KIF3C: variants seen among roughly 807,000 people sequenced by gnomAD.
KIF3C encodes the protein kinesin-like protein KIF3C.
A neutral mutation model predicts 67.7 loss-of-function variants in KIF3C; 12 were observed. The ratio of observed to expected loss-of-function variants is 0.18; its 90% CI spans 0.11 to 0.29. The LOEUF is 0.29. KIF3C is among the 10% of genes least tolerant of loss of function. KIF3C has a pLI of 1.00. For missense variants in KIF3C, 789 were observed against 1,059.6 expected, an observed-to-expected ratio of 0.74 and a Z score of 3.55; for synonymous variants, 393 against 426.2, an observed-to-expected ratio of 0.92 and a Z score of 0.96.
At chr2:25,977,978 C>A (rs944011300) in intron 1 of KIF3C, among the ~76,000 whole-genome samples, 5 of 152,166 alleles carry the variant, frequency 3.3e-5, no homozygotes, top group Admixed American at 1.3e-4. Context: ...CACTCCTCCC[C>A]CTTTGCTTCC....
chr2:25,975,169 T>C (rs1664380817), intron 1 of KIF3C, among the ~76,000 whole-genome samples: 2 of 152,126 alleles, frequency 1.3e-5, no homozygotes, highest in Admixed American at 6.5e-5. Context: ...TTTTCTTTTC[T>C]TTCCTTTTTA....
Position 25,980,894 on chromosome 2 carries a change from G to A in KIF3C, c.1024C>T (p.Leu342=), listed in dbSNP as rs889654231. The A allele has an allele frequency of 1.1e-5, 17 of 1,614,140 alleles. No homozygotes were observed. The highest frequency in any genetic ancestry group is 1.7e-5 in the Admixed American group (1 of 60,010). The part of the protein sequence containing the change: ...GNAKTIMVAT[L]GPASHSYDES... ...TCGTAGCTGTGAGAAGCTGGCCCCA[G>A]TGTGGCTACCATGATGGTCTTGGCA... Residue 342 remains leucine, a synonymous_variant, in exon 1 of 8, where the codon CTG becomes TTG. Coordinates refer to ENST00000264712, the MANE Select transcript of KIF3C (RefSeq NM_002254.8). This position sits in a 1 kb window ranked among gnomAD's most constrained non-coding sequence, Gnocchi z 7.6.
At chr2:25,966,621 A>G (rs924723781) in intron 1 of KIF3C, among the ~76,000 whole-genome samples, 1 of 152,196 alleles carries the variant, frequency 6.6e-6, no homozygotes. Context: ...GCGGGGAGAA[A>G]GGAGGCCCCA....
intron 5 of KIF3C, chr2:25,933,963 C>G (rs978556693): frequency 3.3e-6 from 1 of 305,628 alleles, no homozygotes; most frequent in Non-Finnish European, 6.8e-6. Flanking sequence ...GTGGAAATTA[C>G]CGAAATGTCC....
chr2:25,936,381 A>C (rs1663125625), intron 5 of KIF3C, among the ~76,000 whole-genome samples: 1 of 152,116 alleles, frequency 6.6e-6, no homozygotes, highest in Admixed American at 6.6e-5. Context: ...GCTTAGGAAA[A>C]AGTCTAGATA....
Position 25,980,233 on chromosome 2 carries a change from C to T in KIF3C, c.1545+140G>A. ...GCAATTTGCCTGGCTGCTCTGGGGG[C>T]ACATTTGGCAGGAGGGCAGTGTGCG... On this transcript the variant is annotated intron_variant, in intron 1 of 7. Transcript: ENST00000264712. The surrounding 1 kb of genome is among the most constrained non-coding windows in gnomAD (Gnocchi z 7.6). 2.8e-6 allele frequency: 2 copies of T among 703,754 alleles called. No individual in the cohort carries two copies. Among genetic ancestry groups the T allele is most frequent in the South Asian group, 3.8e-5 (2 of 52,308 alleles). The allele number at this position is 703,754 out of a possible 1,614,324, so 43.6% of individuals were successfully genotyped here.
intron 5 of KIF3C, among the ~76,000 whole-genome samples, chr2:25,948,608 AAGAGAAAGAGAAAGAGAGAAAGAG>A (rs1559551366): frequency 1.3e-5 from 2 of 150,176 alleles, no homozygotes; most frequent in African/African-American, 4.9e-5. Flanking sequence ...GAAAGAAAGA[AAGAGAAAGAGAAAGAGAGAAAGAG>A]AGAGAGAAAG....
chr2:25,965,465 A>G (rs1469262330), intron 1 of KIF3C, among the ~76,000 whole-genome samples: 1 of 151,758 alleles, frequency 6.6e-6, no homozygotes, highest in African/African-American at 2.4e-5. Context: ...TTTCTCTCAG[A>G]GATCTTGAGC....
intron 1 of KIF3C, among the ~76,000 whole-genome samples, chr2:25,979,482 C>A (rs541953528): frequency 6.6e-6 from 1 of 152,108 alleles, no homozygotes. Flanking sequence ...CCAGGCCAAC[C>A]CTCTATTTTA....
In KIF3C at chr2:25,955,831, C is replaced by T. The variant is rs1663793686; in HGVS notation, c.1648-168G>A. ...ATCCTGCAGAGCCCCTGGGAACCCT[C>T]CTCTCAGTTCCCAGGGCCATGCCTT... On this transcript the variant is annotated intron_variant, in intron 2 of 7. Transcript: ENST00000264712. The surrounding 1 kb of genome is among the most constrained non-coding windows in gnomAD (Gnocchi z 5.0). 6.6e-6 allele frequency among the ~76,000 whole-genome samples: 1 copy of T among 152,092 alleles called. No individual in the cohort carries two copies. The highest frequency in any genetic ancestry group is 2.1e-4 in the South Asian group (1 of 4,826).
intron 1 of KIF3C, among the ~76,000 whole-genome samples, chr2:25,974,874 A>C (rs1405609688): frequency 6.6e-6 from 1 of 151,834 alleles, no homozygotes; most frequent in Non-Finnish European, 1.5e-5. Flanking sequence ...TAAAAATATA[A>C]AATTAGCTGG....
chr2:25,953,398 T>C (rs1300653703), intron 4 of KIF3C, among the ~76,000 whole-genome samples: 1 of 151,952 alleles, frequency 6.6e-6, no homozygotes, highest in African/African-American at 2.4e-5. Flanking sequence ...TCTTGCTCTG[T>C]CGCCCAGGCT....
chr2:25,960,268 T>A (rs1663912473), intron 1 of KIF3C, among the ~76,000 whole-genome samples: 4 of 152,014 alleles, frequency 2.6e-5, no homozygotes, highest in African/African-American at 9.7e-5. Flanking sequence ...AATAAGAAAT[T>A]CAGACCTAGT....
rs1664560140 is a variant in KIF3C, at chr2:25,980,947, C to T, written c.971G>A (p.Arg324Gln). 1.9e-6 allele frequency: 3 copies of T among 1,614,146 alleles called. No individual in the cohort carries two copies. Among genetic ancestry groups the T allele is most frequent in the Non-Finnish European group, 2.5e-6 (3 of 1,180,030 alleles). Residue 324 changes from arginine to glutamine, a missense_variant, in exon 1 of 8, where the codon CGG (arginine) becomes CAG (glutamine). By Grantham distance (43) the Arg-to-Gln change is conservative. Coordinates refer to ENST00000264712, the MANE Select transcript of KIF3C (RefSeq NM_002254.8). This position sits in a 1 kb window ranked among gnomAD's most constrained non-coding sequence, Gnocchi z 7.6. Reference protein sequence around the residue: ...HIPYRDSKLTRLLQDSLGGNA... With the variant: ...HIPYRDSKLTQLLQDSLGGNA... ...CCCCCCCAGGGAGTCCTGGAGCAGC[C>T]GGGTCAGCTTGGAGTCCCGGTAGGG...
intron 5 of KIF3C, 159 bp downstream of exon 5, chr2:25,951,630 G>A (rs1663615486): frequency 8.5e-6 from 5 of 587,002 alleles, no homozygotes; most frequent in Non-Finnish European, 1.2e-5. Flanking sequence ...CCTACAATTA[G>A]ATCCTGAGAA....
chr2:25,947,505 C>T (rs537666127), intron 5 of KIF3C, among the ~76,000 whole-genome samples: 2 of 151,262 alleles, frequency 1.3e-5, no homozygotes, highest in Non-Finnish European at 2.9e-5. Flanking sequence ...GGCGTGAACC[C>T]GGGAGGTGGA....
intron 1 of KIF3C, among the ~76,000 whole-genome samples, chr2:25,962,801 TA>T (rs1663989540): frequency 1.1e-5 from 1 of 91,702 alleles, no homozygotes; most frequent in Non-Finnish European, 2.0e-5. Flanking sequence ...ATATATTATA[TA>T]ATATATAATA....
chr2:25,964,951 T>C (rs150957257), intron 1 of KIF3C, among the ~76,000 whole-genome samples: 159 of 152,306 alleles, frequency 1.0e-3, no homozygotes, highest in African/African-American at 3.7e-3. Flanking sequence ...TGCTTCCGCG[T>C]TGGATCTCCT....
chr2:25,950,514 G>A (rs552904050), intron 5 of KIF3C, among the ~76,000 whole-genome samples: 80 of 152,114 alleles, frequency 5.3e-4, no homozygotes, highest in African/African-American at 1.7e-3. Context: ...GAGCCACCAC[G>A]CCCAGCTAGA....
Sources: allele counts gnomAD v4.1 joint callset (sites outside exome capture counted in the v4.1 genomes callset), GRCh38; gene constraint gnomAD v4.1.1; non-coding constraint Gnocchi (gnomAD v3.1); transcripts MANE v1.5; gene names NCBI Gene and HGNC (gene_info 2026-07-23, HGNC 2026-07-21).